Variants in HNRNPD observed in about 807,000 individuals in gnomAD.
HNRNPD encodes heterogeneous nuclear ribonucleoprotein D, also known as heterogeneous nuclear ribonucleoprotein D0.
HNRNPD carries 3 observed loss-of-function variants against 47.9 expected under a neutral mutation model. The observed-to-expected ratio is 0.06, with a 90% CI of 0.03 to 0.16. HNRNPD has a LOEUF of 0.16. Among genes scored for constraint, HNRNPD ranks in the 10% least tolerant of loss-of-function variants. HNRNPD has a pLI of 1.00. For synonymous variants in HNRNPD, 171 were observed against 165.1 expected, an observed-to-expected ratio of 1.04 and a Z score of -0.28; for missense variants, 287 against 454.2, an observed-to-expected ratio of 0.63 and a Z score of 3.35.
intron 7 of HNRNPD, 33 bp downstream of exon 7, chr4:82,356,504 A>G (rs778709501): frequency 1.3e-6 from 2 of 1,520,192 alleles, no homozygotes; most frequent in African/African-American, 1.4e-5. Flanking sequence ...ATAAATGTCA[A>G]ATAGCAGTTA....
intron 4 of HNRNPD, 56 bp from the exon 5 acceptor site, chr4:82,357,500 GA>G: frequency 1.4e-6 from 2 of 1,480,320 alleles, no homozygotes; most frequent in Non-Finnish European, 1.8e-6. Context: ...GACCTTAAAA[GA>G]AACACAAGTT....
At chr4:82,358,385 C>T (rs1723819134) in intron 4 of HNRNPD, 4 of 308,082 alleles carry the variant, frequency 1.3e-5, no homozygotes, top group Admixed American at 4.7e-5. Context: ...AGATTTCTTC[C>T]TCTTAATTGT....
chr4:82,371,665 T>C, intron 1 of HNRNPD, 81 bp from the exon 2 acceptor site: 3 of 1,109,530 alleles, frequency 2.7e-6, no homozygotes, highest in South Asian at 2.7e-5. Flanking sequence ...AAAACTTTAA[T>C]TCATTTACAC....
intron 7 of HNRNPD, 87 bp from the exon 8 acceptor site, chr4:82,355,488 A>AATT: frequency 1.1e-6 from 1 of 938,380 alleles, no homozygotes; most frequent in Non-Finnish European, 1.7e-6. Flanking sequence ...AATCTCAAAA[A>AATT]ATTAAGGGTA....
Position 82,358,794 on chromosome 4 carries a change from C to T in HNRNPD, c.486G>A (p.Leu162=), listed in dbSNP as rs745601403. Residue 162 remains leucine (L), a synonymous_variant, in exon 4 of 9, where the codon TTG becomes TTA. Coordinates refer to ENST00000313899, the MANE Select transcript of HNRNPD (RefSeq NM_031370.3). ...DKVMDQKEHK[L]NGKVIDPKRA... Reference sequence around the variant, plus strand: ...TTTTAGGATCAATCACCTTCCCATTCAATTTATGTTCTTTTTGATCCATGA... The same window carrying T: ...TTTTAGGATCAATCACCTTCCCATTTAATTTATGTTCTTTTTGATCCATGA... 1.7e-5 allele frequency: 27 copies of T among 1,607,230 alleles called. No homozygotes were observed. Among genetic ancestry groups the T allele is most frequent in the Middle Eastern group, 1.8e-4 (1 of 5,710 alleles).
Position 82,358,746 on chromosome 4 carries a change from T to G in HNRNPD, c.534A>C (p.Lys178Asn). 11 of 1,613,068 alleles carry G rather than the reference T, an allele frequency of 6.8e-6. No individual in the cohort carries two copies. Among genetic ancestry groups the G allele is most frequent in the Non-Finnish European group, 9.3e-6 (11 of 1,179,848 alleles). ...CAACAAAAATTTTTTTAACCGGCTC[T>G]TTTGTTTTCATGGCTTTGGCCCTTT... ...DPKRAKAMKTKEPVKKIFVGG... is the reference protein window; with the variant it reads ...DPKRAKAMKTNEPVKKIFVGG... Residue 178 changes from lysine (K) to asparagine (N), a missense_variant, in exon 4 of 9, where the codon AAA becomes AAC. Transcript: ENST00000313899.
intron 2 of HNRNPD, among the ~76,000 whole-genome samples, chr4:82,368,000 C>CT (rs1719848999): frequency 6.6e-6 from 1 of 152,204 alleles, no homozygotes; most frequent in South Asian, 2.1e-4. Context: ...AGATCCCACG[C>CT]TTTCAGCATC....
At chr4:82,357,556 A>G (rs534919467) in intron 4 of HNRNPD, 112 bp from the exon 5 acceptor site, 109 of 836,334 alleles carry the variant, frequency 1.3e-4, no homozygotes, top group Non-Finnish European at 1.8e-4. Context: ...TTGGCACTGA[A>G]GTTCTAGTCT....
intron 5 of HNRNPD, 73 bp downstream of exon 5, chr4:82,357,240 A>C (rs772200905): frequency 2.0e-6 from 3 of 1,468,532 alleles, no homozygotes; most frequent in Non-Finnish European, 2.7e-6. Flanking sequence ...TTAAGCCTTT[A>C]CAGAGAAAGA....
chr4:82,373,241 TG>T, intron 1 of HNRNPD: 2 of 740,226 alleles, frequency 2.7e-6, no homozygotes, highest in Non-Finnish European at 4.6e-6. Flanking sequence ...ACGTGTGTGA[TG>T]GGGGAGGGGG....
rs1229993675 is a variant in HNRNPD, at chr4:82,373,477, T to C, written c.202A>G (p.Ile68Val). The C allele has an allele frequency of 6.4e-7, 1 of 1,561,316 alleles. No individual in the cohort carries two copies. Among genetic ancestry groups the C allele is most frequent in the Admixed American group, 1.9e-5 (1 of 52,550 alleles). ...TCCTCCTCGTTCTTACTGGCGTCAA[T>C]CTTCGCCCCCTCCGACTCGGCGCTG... ...GGSAESEGAKIDASKNEEDEG... is the reference protein window; with the variant it reads ...GGSAESEGAKVDASKNEEDEG... The change falls in exon 1 of 9, where the codon ATT (isoleucine) becomes GTT (valine). Residue 68 changes from isoleucine to valine, a missense_variant. Ile to Val is a conservative substitution (Grantham distance 29, BLOSUM62 3). Coordinates refer to ENST00000313899, the MANE Select transcript of HNRNPD (RefSeq NM_031370.3).
chr4:82,356,952 A>C, intron 5 of HNRNPD, 57 bp from the exon 6 acceptor site: 1 of 1,427,490 alleles, frequency 7.0e-7, no homozygotes, highest in African/African-American at 1.4e-5. Context: ...GTTGCTAAAT[A>C]AGTTTCTAAT....
At chr4:82,359,334 A>G in intron 3 of HNRNPD, 137 bp downstream of exon 3, 1 of 485,004 alleles carries the variant, frequency 2.1e-6, no homozygotes, top group Non-Finnish European at 3.4e-6. Context: ...ATCTTCATAA[A>G]ACGTATTGGG....
Position 82,373,907 on chromosome 4 carries a change from T to C in HNRNPD, c.-229A>G. ...ACACTCCCGCTCTCTCCCGCTGCAC[T>C]AAAAAAGAATAAGCACCAGCGGCGG... On this transcript the variant is annotated 5_prime_UTR_variant, in exon 1 of 9. Coordinates refer to ENST00000313899, the MANE Select transcript of HNRNPD (RefSeq NM_031370.3). The C allele has an allele frequency of 4.9e-6, 5 of 1,022,780 alleles. No individual in the cohort carries two copies. Among genetic ancestry groups the C allele is most frequent in the Middle Eastern group, 6.6e-4 (2 of 3,048 alleles). 63.4% of individuals were successfully genotyped at this position (1,022,780 alleles called of 1,614,324 possible). A position where few individuals can be genotyped will look rare whatever the true frequency, so the allele number is the denominator to read the frequency against.
At chr4:82,367,056 G>A (rs1313659857) in intron 2 of HNRNPD, among the ~76,000 whole-genome samples, 2 of 144,556 alleles carry the variant, frequency 1.4e-5, no homozygotes, top group African/African-American at 5.4e-5. Context: ...TAAAGAAACA[G>A]GGGTCATATT....
rs1723607487 is a variant in HNRNPD at position 82,353,765 on chromosome 4, T to C, written c.*420A>G. ...TTTCGGCAAGCCTGTCTTCCAAACT[T>C]ATGCTTTTAATAACTTGAATCCATG... On this transcript the variant is annotated 3_prime_UTR_variant, in exon 9 of 9. Transcript: ENST00000313899. The C allele has an allele frequency of 6.6e-6, 1 of 152,654 alleles. No homozygotes were observed. The highest frequency in any genetic ancestry group is 2.4e-5 in the African/African-American group (1 of 41,464). The allele number at this position is 152,654 out of a possible 1,614,324, so 9.5% of individuals were successfully genotyped here.
intron 1 of HNRNPD, among the ~76,000 whole-genome samples, chr4:82,372,029 C>T (rs2110005134): frequency 1.3e-5 from 2 of 152,222 alleles, no homozygotes; most frequent in South Asian, 4.1e-4. Flanking sequence ...CTTCTCCCCT[C>T]CCAACTTTCC....
At chr4:82,355,134 C>CA in intron 8 of HNRNPD, 170 bp downstream of exon 8, 2 of 587,004 alleles carry the variant, frequency 3.4e-6, no homozygotes, top group Non-Finnish European at 6.0e-6. Flanking sequence ...GACAAAAAGG[C>CA]AAAAGCTTAA....
At chr4:82,363,654 C>T (rs1328562653) in intron 2 of HNRNPD, among the ~76,000 whole-genome samples, 1 of 152,060 alleles carries the variant, frequency 6.6e-6, no homozygotes, top group East Asian at 1.9e-4. Context: ...AATTAAAATG[C>T]AGGACTTCAT....
Sources: allele counts gnomAD v4.1 joint callset (sites outside exome capture counted in the v4.1 genomes callset), GRCh38; gene constraint gnomAD v4.1.1; transcripts MANE v1.5; gene names NCBI Gene and HGNC (gene_info 2026-07-23, HGNC 2026-07-21).